ROBO2: variants seen among roughly 807,000 people sequenced by gnomAD.
ROBO2 encodes roundabout homolog 2.
In ROBO2, 53 loss-of-function variants were observed where a neutral mutation model predicts 160.8. The observed-to-expected ratio is 0.33, with a 90% confidence interval of 0.26 to 0.41. The LOEUF is 0.41. ROBO2 is among the 10% of genes least tolerant of loss of function. The pLI is 1.00. For missense variants in ROBO2, 1,577 were observed against 1,722.4 expected, an observed-to-expected ratio of 0.92 and a Z score of 1.49; for synonymous variants, 664 against 611.7, an observed-to-expected ratio of 1.09 and a Z score of -1.26.
chr3:77,399,558 A>G (rs966844786), intron 2 of ROBO2, among the ~76,000 whole-genome samples: 4 of 152,128 alleles, frequency 2.6e-5, no homozygotes, highest in Admixed American at 2.0e-4. Context: ...CTAAATTCCT[A>G]TGTTTTTTGA....
chr3:76,840,765 GAA>G (rs2068180449), intron 2 of ROBO2, among the ~76,000 whole-genome samples: 1 of 151,044 alleles, frequency 6.6e-6, no homozygotes. Flanking sequence ...ATGAACAACA[GAA>G]AATATTGTCA....
intron 2 of ROBO2, among the ~76,000 whole-genome samples, chr3:76,863,446 AG>A (rs61447779): frequency 0.15 from 21,477 of 147,244 alleles, 1,999 homozygotes; most frequent in East Asian, 0.35. Context: ...TCAAAAAAAA[AG>A]AAAAAAGAAA....
At chr3:77,460,760 G>A (rs2153571060) in intron 2 of ROBO2, among the ~76,000 whole-genome samples, 1 of 152,132 alleles carries the variant, frequency 6.6e-6, no homozygotes, top group African/African-American at 2.4e-5. Context: ...TATATATCTA[G>A]CACTTATTAT....
intron 2 of ROBO2, among the ~76,000 whole-genome samples, chr3:76,706,193 G>T (rs1036982018): frequency 6.6e-6 from 1 of 152,050 alleles, no homozygotes; most frequent in South Asian, 2.1e-4. Context: ...TTTATACTGT[G>T]CAGAAACACA....
chr3:76,409,131 T>C (rs922079243), intron 2 of ROBO2, among the ~76,000 whole-genome samples: 1 of 152,074 alleles, frequency 6.6e-6, no homozygotes, highest in African/African-American at 2.4e-5. Flanking sequence ...AACTCATTGC[T>C]ATACACAAAA....
intron 2 of ROBO2, among the ~76,000 whole-genome samples, chr3:77,178,002 AAGAG>A (rs1416019528): frequency 6.6e-6 from 1 of 152,008 alleles, no homozygotes; most frequent in African/African-American, 2.4e-5. Flanking sequence ...TTTAGGTTCA[AAGAG>A]AGAGCAGTAG....
chr3:76,276,824 T>A (rs917896275), intron 2 of ROBO2, among the ~76,000 whole-genome samples: 1 of 151,994 alleles, frequency 6.6e-6, no homozygotes, highest in Non-Finnish European at 1.5e-5. Context: ...ATTAGTACTG[T>A]CCAACAGAAA....
chr3:77,219,482 A>C (rs1049545741), intron 2 of ROBO2, among the ~76,000 whole-genome samples: 3 of 124,600 alleles, frequency 2.4e-5, no homozygotes, highest in Non-Finnish European at 3.4e-5. Context: ...ATATATATAT[A>C]TAATCTGTAT....
chr3:77,076,520 G>A (rs1215697792), intron 1 of ROBO2, among the ~76,000 whole-genome samples: 3 of 151,590 alleles, frequency 2.0e-5, no homozygotes, highest in Non-Finnish European at 4.4e-5. Flanking sequence ...TTTTTTTTCT[G>A]TTATTCTCAT....
At chr3:76,255,002 C>A (rs1325732052) in intron 2 of ROBO2, among the ~76,000 whole-genome samples, 1 of 151,872 alleles carries the variant, frequency 6.6e-6, no homozygotes, top group East Asian at 1.9e-4. Flanking sequence ...ACTATTGAAG[C>A]AAGATAAATG....
At chr3:76,878,875 AT>A (rs2073050130) in intron 2 of ROBO2, among the ~76,000 whole-genome samples, 1 of 152,186 alleles carries the variant, frequency 6.6e-6, no homozygotes, top group Non-Finnish European at 1.5e-5. Flanking sequence ...GTTCATTTTA[AT>A]CTCTTGATGA....
chr3:77,180,420 A>C (rs186261277), intron 2 of ROBO2, among the ~76,000 whole-genome samples: 3,610 of 80,592 alleles, frequency 0.045, 143 homozygotes, highest in East Asian at 0.19. Flanking sequence ...CTCTCTCTAT[A>C]TATATATATA....
At chr3:77,384,719 T>C (rs1441696008) in intron 2 of ROBO2, among the ~76,000 whole-genome samples, 1 of 152,218 alleles carries the variant, frequency 6.6e-6, no homozygotes, top group African/African-American at 2.4e-5. Context: ...AAAACTCATA[T>C]GACATTTTGC....
chr3:77,400,530 C>T (rs1012367638), intron 2 of ROBO2, among the ~76,000 whole-genome samples: 7 of 152,108 alleles, frequency 4.6e-5, no homozygotes, highest in South Asian at 2.1e-4. Context: ...CCAACACATT[C>T]GGTTCGTTTA....
intron 2 of ROBO2, among the ~76,000 whole-genome samples, chr3:76,089,061 C>A (rs193084537): frequency 6.6e-6 from 1 of 151,974 alleles, no homozygotes; most frequent in African/African-American, 2.4e-5. Context: ...ATGAACAAAT[C>A]TATGCTTCCA....
chr3:76,636,627 G>A (rs984911423), intron 2 of ROBO2, among the ~76,000 whole-genome samples: 2 of 152,106 alleles, frequency 1.3e-5, no homozygotes, highest in African/African-American at 4.8e-5. Flanking sequence ...GTCTTTGGAA[G>A]CAACACTTAG....
At chr3:77,088,933 T>C (rs1226617899) in intron 1 of ROBO2, among the ~76,000 whole-genome samples, 2 of 152,200 alleles carry the variant, frequency 1.3e-5, no homozygotes, top group Admixed American at 6.5e-5. Flanking sequence ...CTTTTAGATA[T>C]GTCTGTTAAG....
intron 2 of ROBO2, among the ~76,000 whole-genome samples, chr3:76,721,053 C>T (rs561229812): frequency 6.6e-6 from 1 of 152,296 alleles, no homozygotes; most frequent in African/African-American, 2.4e-5. Context: ...AGTTCCTCAA[C>T]ATGAGTCAAG....
intron 2 of ROBO2, among the ~76,000 whole-genome samples, chr3:76,177,139 T>C (rs73116902): frequency 0.068 from 10,398 of 152,240 alleles, 492 homozygotes; most frequent in Non-Finnish European, 0.11. Context: ...ATTGCCATTT[T>C]TTATGTCTAA....
Sources: gnomAD v4.1 joint callset for allele counts (sites outside exome capture counted in the v4.1 genomes callset) on GRCh38, gnomAD v4.1.1 for gene constraint, MANE v1.5 for transcripts, NCBI Gene and HGNC (gene_info 2026-07-23, HGNC 2026-07-21) for gene names.